ELL: variants seen among roughly 807,000 people sequenced by gnomAD.
ELL encodes the protein RNA polymerase II elongation factor ELL.
In ELL, 18 loss-of-function variants were observed where a neutral mutation model predicts 64.0. That is an observed-to-expected ratio of 0.28 (90% CI 0.19 to 0.42). The LOEUF is 0.42. Among genes scored for constraint, ELL ranks in the 10% least tolerant of loss-of-function variants. The pLI, the probability that ELL is intolerant of heterozygous loss-of-function variation, is 1.00. For missense variants in ELL, 797 were observed against 870.4 expected (o/e 0.92, Z 1.06); for synonymous variants, 399 against 376.2 (o/e 1.06, Z -0.70).
Position 18,451,547 on chromosome 19 carries a change from C to T in ELL, c.966+5G>A. ...GGACAGTCACCCCAGGCATGCCTCACTTACCTGTGGGGGCGAGGCCGAGCG... is the reference window on the plus strand; with the variant it reads ...GGACAGTCACCCCAGGCATGCCTCATTTACCTGTGGGGGCGAGGCCGAGCG... On this transcript the variant is annotated splice_donor_5th_base_variant and intron_variant, in intron 7 of 11. Coordinates refer to ENST00000262809, the MANE Select transcript of ELL (RefSeq NM_006532.4). The T allele has an allele frequency of 2.7e-6, 4 of 1,482,116 alleles. No individual in the cohort carries two copies. Among genetic ancestry groups the T allele is most frequent in the Non-Finnish European group, 3.6e-6 (4 of 1,124,706 alleles). The allele number at this position is 1,482,116 out of a possible 1,614,324, so 91.8% of individuals were successfully genotyped here.
intron 1 of ELL, among the ~76,000 whole-genome samples, chr19:18,514,867 C>G (rs1976097554): frequency 6.6e-6 from 1 of 152,250 alleles, no homozygotes; most frequent in Non-Finnish European, 1.5e-5. Flanking sequence ...AAGCAGACCT[C>G]TGAAAACTAG....
At chr19:18,472,617 G>A (rs1975087037) in intron 2 of ELL, 2 of 552,504 alleles carry the variant, frequency 3.6e-6, no homozygotes, top group Non-Finnish European at 6.3e-6. Flanking sequence ...GGAGAGGAGA[G>A]CCGCCCATTG....
intron 1 of ELL, among the ~76,000 whole-genome samples, chr19:18,485,842 C>T (rs977119294): frequency 1.3e-5 from 2 of 152,028 alleles, no homozygotes; most frequent in Non-Finnish European, 2.9e-5. Flanking sequence ...AAAAATTAGC[C>T]GGGCGTGGTA....
At chr19:18,445,184 T>A in intron 11 of ELL, 40 bp downstream of exon 11, 2 of 1,611,462 alleles carry the variant, frequency 1.2e-6, no homozygotes, top group Non-Finnish European at 1.7e-6. Flanking sequence ...CCAGCTCCCA[T>A]GGCTCACTTG....
chr19:18,511,973 G>A (rs1976034713), intron 1 of ELL, among the ~76,000 whole-genome samples: 1 of 151,944 alleles, frequency 6.6e-6, no homozygotes, highest in South Asian at 2.1e-4. Context: ...TGGCCAAGAT[G>A]GTGAAACCCC....
chr19:18,521,286 A>C (rs1417635732), intron 1 of ELL, among the ~76,000 whole-genome samples: 4 of 152,126 alleles, frequency 2.6e-5, no homozygotes, highest in Non-Finnish European at 4.4e-5. Context: ...ACAAGCTGTC[A>C]GTTTCTGCCC....
intron 2 of ELL, among the ~76,000 whole-genome samples, chr19:18,468,237 C>A (rs1170798707): frequency 6.6e-6 from 1 of 151,528 alleles, no homozygotes; most frequent in Non-Finnish European, 1.5e-5. Context: ...TACACACACA[C>A]ACACACAAAC....
chr19:18,515,618 C>T (rs1976110713), intron 1 of ELL, among the ~76,000 whole-genome samples: 1 of 152,238 alleles, frequency 6.6e-6, no homozygotes, highest in Non-Finnish European at 1.5e-5. Flanking sequence ...GTGTAGGTGC[C>T]CATCACCTTT....
chr19:18,471,992 C>T (rs1299197243), intron 2 of ELL, among the ~76,000 whole-genome samples: 1 of 151,174 alleles, frequency 6.6e-6, no homozygotes, highest in Non-Finnish European at 1.5e-5. Context: ...GACAGAGTTT[C>T]GCTCTTGTTG....
chr19:18,461,904 A>G, intron 4 of ELL, 52 bp from the exon 5 acceptor site: 1 of 1,569,934 alleles, frequency 6.4e-7, no homozygotes, highest in Non-Finnish European at 8.7e-7. Context: ...GCCGTGTCCT[A>G]AGCCAGTGCT....
In ELL at chr19:18,478,121, C is replaced by A. The variant is rs1237300895; in HGVS notation, c.136-5239G>T. On this transcript the variant is annotated intron_variant, in intron 1 of 11. Coordinates refer to ENST00000262809, the MANE Select transcript of ELL (RefSeq NM_006532.4). ...TCACCCTCTGTGCTCACCAGCCTGG[C>A]CTGGTGGGGACGCCTGACAGCATGT... Among the ~76,000 whole-genome samples the A allele has an allele frequency of 3.3e-5, 5 of 152,164 alleles. No individual in the cohort carries two copies. In the East Asian group the frequency reaches 9.6e-4, roughly 29 times the overall value.
intron 5 of ELL, among the ~76,000 whole-genome samples, chr19:18,459,873 C>T (rs1453564645): frequency 1.3e-5 from 2 of 152,216 alleles, no homozygotes; most frequent in Non-Finnish European, 2.9e-5. Context: ...CCCCAAACTG[C>T]TGCCAGTTTC....
rs552028428 is a variant in ELL at position 18,521,148 on chromosome 19, G to A, written c.135+773C>T. ...GATGTGGTAGCCAGAGCTTCCTCCTGGGTGGCAGGGATCCCCTACATGTGC... is the reference window on the plus strand; with the variant it reads ...GATGTGGTAGCCAGAGCTTCCTCCTAGGTGGCAGGGATCCCCTACATGTGC... On this transcript the variant is annotated intron_variant, in intron 1 of 11. Coordinates refer to ENST00000262809, the MANE Select transcript of ELL (RefSeq NM_006532.4). Among the ~76,000 whole-genome samples the A allele has an allele frequency of 5.9e-5, 9 of 152,146 alleles. 1 individual carries two copies. Among genetic ancestry groups the A allele is most frequent in the Middle Eastern group, 3.4e-3 (1 of 294 alleles).
At chr19:18,496,215 G>C (rs1975650171) in intron 1 of ELL, among the ~76,000 whole-genome samples, 1 of 152,230 alleles carries the variant, frequency 6.6e-6, no homozygotes, top group African/African-American at 2.4e-5. Context: ...CTTGATACCA[G>C]AGCTGTGACG....
intron 1 of ELL, among the ~76,000 whole-genome samples, chr19:18,479,602 G>A (rs1228407590): frequency 2.0e-5 from 3 of 151,340 alleles, no homozygotes; most frequent in African/African-American, 4.9e-5. Flanking sequence ...CTAGCTACTC[G>A]GGAGCCTGAG....
intron 6 of ELL, among the ~76,000 whole-genome samples, chr19:18,454,769 A>T (rs1974618627): frequency 1.4e-5 from 2 of 145,774 alleles, no homozygotes; most frequent in Admixed American, 1.4e-4. Flanking sequence ...TGAACCTGGG[A>T]GGCAGATGTT....
At chr19:18,498,931 C>G (rs1975722661) in intron 1 of ELL, among the ~76,000 whole-genome samples, 1 of 150,204 alleles carries the variant, frequency 6.7e-6, no homozygotes, top group African/African-American at 2.5e-5. Context: ...GCCTGGGCAA[C>G]AGAGCGAGAC....
intron 1 of ELL, among the ~76,000 whole-genome samples, chr19:18,492,130 C>G (rs1361701900): frequency 6.6e-6 from 1 of 152,122 alleles, no homozygotes; most frequent in African/African-American, 2.4e-5. Flanking sequence ...CTCCTCTGAG[C>G]CCCCACTGAG....
At chr19:18,493,757 C>T (rs1198823982) in intron 1 of ELL, among the ~76,000 whole-genome samples, 1 of 152,208 alleles carries the variant, frequency 6.6e-6, no homozygotes, top group Non-Finnish European at 1.5e-5. Context: ...AAGAAAGTGG[C>T]CTACAGGCCC....
Sources: allele counts gnomAD v4.1 joint callset (sites outside exome capture counted in the v4.1 genomes callset), GRCh38; gene constraint gnomAD v4.1.1; transcripts MANE v1.5; gene names NCBI Gene and HGNC (gene_info 2026-07-23, HGNC 2026-07-21).